CSMD1: variants seen among roughly 807,000 people sequenced by gnomAD.
CSMD1 encodes the protein CUB and Sushi multiple domains 1.
Under a neutral mutation model 417.5 loss-of-function variants are expected in CSMD1, and 213 were observed. That is an observed-to-expected ratio of 0.51 (90% confidence interval 0.46 to 0.57). The LOEUF is 0.57. CSMD1 is among the 20% of genes least tolerant of loss of function. The pLI, the probability that CSMD1 is intolerant of heterozygous loss-of-function variation, is 0.00. For missense variants in CSMD1, 6,923 were observed against 4,529.7 expected, an observed-to-expected ratio of 1.53 and a Z score of -15.17; for synonymous variants, 2,862 against 1,736.8, an observed-to-expected ratio of 1.65 and a Z score of -16.11.
At position 4,209,776 on chromosome 8, in the gene CSMD1, C is replaced by T. The variant is rs116545876; in HGVS notation, c.416-177677G>A. 3.6e-3 allele frequency among the ~76,000 whole-genome samples: 546 copies of T among 152,104 alleles called. 4 individuals are homozygous for T. The highest frequency in any genetic ancestry group is 0.012 in the African/African-American group (505 of 41,514). On this transcript the variant is annotated intron_variant, in intron 3 of 69. Coordinates refer to ENST00000635120, the MANE Select transcript of CSMD1 (RefSeq NM_033225.6). Reference sequence around the variant, plus strand: ...CAGGACTACACCATAGGCCATGTGCCCAGAGTGGCAGCTCAGAGGCTGTTC... The same window carrying T: ...CAGGACTACACCATAGGCCATGTGCTCAGAGTGGCAGCTCAGAGGCTGTTC...
chr8:3,866,940 T>G (rs1805145623), intron 5 of CSMD1, among the ~76,000 whole-genome samples: 1 of 152,208 alleles, frequency 6.6e-6, no homozygotes, highest in African/African-American at 2.4e-5. Flanking sequence ...TGTATGGATT[T>G]GTAAGTACCA....
At chr8:4,245,745 G>C (rs1251885401) in intron 3 of CSMD1, among the ~76,000 whole-genome samples, 1 of 152,064 alleles carries the variant, frequency 6.6e-6, no homozygotes, top group Non-Finnish European at 1.5e-5. Flanking sequence ...TGGTGACTAA[G>C]TCAGGCCGTA....
chr8:4,636,332 G>T (rs1156832861), intron 2 of CSMD1, among the ~76,000 whole-genome samples: 1 of 152,122 alleles, frequency 6.6e-6, no homozygotes, highest in Non-Finnish European at 1.5e-5. Flanking sequence ...ATTTAAAAAT[G>T]ATACCAGGAA....
At chr8:3,561,986 G>A (rs76741849) in intron 10 of CSMD1, among the ~76,000 whole-genome samples, 122,011 of 151,726 alleles carry the variant, frequency 0.8, 49,726 homozygotes, top group Middle Eastern at 0.88. Flanking sequence ...TGCCTTATCT[G>A]CTACGTCAGA....
At chr8:3,296,813 T>C (rs1039396414) in intron 25 of CSMD1, among the ~76,000 whole-genome samples, 5 of 152,098 alleles carry the variant, frequency 3.3e-5, no homozygotes, top group Non-Finnish European at 7.4e-5. Flanking sequence ...GTGCAGTATG[T>C]TTATGGGATG....
intron 2 of CSMD1, among the ~76,000 whole-genome samples, chr8:4,550,424 T>C (rs529805696): frequency 2.0e-5 from 3 of 152,038 alleles, no homozygotes; most frequent in Admixed American, 1.3e-4. Flanking sequence ...ACTCATTTCT[T>C]GGCTATTAAA....
intron 6 of CSMD1, among the ~76,000 whole-genome samples, chr8:3,749,729 GTTT>G (rs753922630): frequency 3.4e-4 from 52 of 151,382 alleles, no homozygotes; most frequent in Non-Finnish European, 7.4e-4. Context: ...TACGGTTTAT[GTTT>G]TTTTTTCCTT....
rs1172655055 is a variant in CSMD1, at chr8:3,391,706, C to G, written c.2594-4024G>C. ...GGCCTTCTGGAGTGAATGCTGTTTA[C>G]AGTAGCTCACATTGCCTTGTAGCAC... On this transcript the variant is annotated intron_variant, in intron 17 of 69. Coordinates refer to ENST00000635120, the MANE Select transcript of CSMD1 (RefSeq NM_033225.6). Among the ~76,000 whole-genome samples the G allele has an allele frequency of 2.0e-5, 3 of 152,172 alleles. No individual in the cohort carries two copies. The East Asian group carries it at 5.8e-4, about 29-fold the overall frequency.
intron 3 of CSMD1, among the ~76,000 whole-genome samples, chr8:4,243,830 G>T (rs1802542175): frequency 6.6e-6 from 1 of 152,172 alleles, no homozygotes; most frequent in Admixed American, 6.5e-5. Flanking sequence ...AAACAAAGAT[G>T]TATAAGAAAA....
At chr8:4,461,901 C>G (rs1006811826) in intron 2 of CSMD1, among the ~76,000 whole-genome samples, 1 of 151,826 alleles carries the variant, frequency 6.6e-6, no homozygotes, top group African/African-American at 2.4e-5. Flanking sequence ...CCACCACGCC[C>G]GGCTAATTTT....
At chr8:4,618,921 A>G (rs1229211010) in intron 2 of CSMD1, among the ~76,000 whole-genome samples, 1 of 152,180 alleles carries the variant, frequency 6.6e-6, no homozygotes, top group Non-Finnish European at 1.5e-5. Flanking sequence ...ACTCTTCACA[A>G]AAGAAACCAC....
chr8:4,144,115 T>C (rs1803965775), intron 3 of CSMD1, among the ~76,000 whole-genome samples: 1 of 151,158 alleles, frequency 6.6e-6, no homozygotes, highest in South Asian at 2.1e-4. Flanking sequence ...TAATTGGGCT[T>C]AGGTTCCCTG....
At chr8:4,566,518 T>G (rs1424702485) in intron 2 of CSMD1, among the ~76,000 whole-genome samples, 1 of 151,566 alleles carries the variant, frequency 6.6e-6, no homozygotes, top group Non-Finnish European at 1.5e-5. Context: ...CCGGGCGTGG[T>G]GGCGGGCGCC....
chr8:4,457,429 G>A lies in CSMD1; in HGVS notation c.303-37364C>T, dbSNP rs552446225. 2.8e-4 allele frequency among the ~76,000 whole-genome samples: 43 copies of A among 152,104 alleles called. No individual in the cohort carries two copies. The South Asian group carries it at 8.1e-3, about 29-fold the overall frequency. On this transcript the variant is annotated intron_variant, in intron 2 of 69. Coordinates refer to ENST00000635120, the MANE Select transcript of CSMD1 (RefSeq NM_033225.6). ...TTACTAAACTCAGGGGAGTGACAGG[G>A]AAAAAACAAACATAATGCATTGAAA...
intron 37 of CSMD1, among the ~76,000 whole-genome samples, chr8:3,167,716 G>C (rs1489506842): frequency 2.0e-5 from 3 of 152,204 alleles, no homozygotes; most frequent in East Asian, 3.8e-4. Context: ...AAGAAGATGA[G>C]TGTCCTAATT....
At position 3,145,047 on chromosome 8, in the gene CSMD1, G is replaced by GTGTGTGTGTGTC. The variant is rs1554440616; in HGVS notation, c.6032-2374_6032-2373insGACACACACACA. 1.6e-3 allele frequency among the ~76,000 whole-genome samples: 250 copies of GTGTGTGTGTGTC among 152,062 alleles called. 2 individuals carry two copies. Among genetic ancestry groups the GTGTGTGTGTGTC allele is most frequent in the African/African-American group, 5.7e-3 (238 of 41,510 alleles). ...TAAGTAAACTAGAGTAAAGAGTTGT[G>GTGTGTGTGTGTC]TGTGTGTGTGTGCATGCATGCATTT... is the stretch of plus-strand genomic sequence containing the variant. On this transcript the variant is annotated intron_variant, in intron 40 of 69. Coordinates refer to ENST00000635120, the MANE Select transcript of CSMD1 (RefSeq NM_033225.6).
At chr8:3,034,336 A>T (rs1810529908) in intron 50 of CSMD1, among the ~76,000 whole-genome samples, 1 of 152,210 alleles carries the variant, frequency 6.6e-6, no homozygotes, top group Non-Finnish European at 1.5e-5. Flanking sequence ...AAGCCAACCA[A>T]GAGATCAAAG....
intron 5 of CSMD1, among the ~76,000 whole-genome samples, chr8:3,887,462 T>C (rs112812930): frequency 1.3e-5 from 2 of 152,202 alleles, no homozygotes; most frequent in South Asian, 2.1e-4. Context: ...GGGGCTAATT[T>C]TGTTCTAGGC....
chr8:3,778,587 G>A (rs1360472008), intron 5 of CSMD1, among the ~76,000 whole-genome samples: 1 of 152,166 alleles, frequency 6.6e-6, no homozygotes, highest in Non-Finnish European at 1.5e-5. Context: ...TAGCAGAAAA[G>A]AGCATCAGTG....
Sources: gnomAD v4.1 joint callset for allele counts (sites outside exome capture counted in the v4.1 genomes callset) on GRCh38, gnomAD v4.1.1 for gene constraint, MANE v1.5 for transcripts, NCBI Gene and HGNC (gene_info 2026-07-23, HGNC 2026-07-21) for gene names.